FHIP2A: variants seen among roughly 807,000 people sequenced by gnomAD.
The protein encoded by FHIP2A is FHF complex subunit HOOK interacting protein 2A.
FHIP2A carries 46 observed loss-of-function variants against 93.5 expected under a neutral mutation model. That is an observed-to-expected ratio of 0.49 (90% confidence interval 0.39 to 0.63). The LOEUF (loss-of-function observed/expected upper bound fraction) is 0.63. FHIP2A is among the 20% of genes least tolerant of loss of function. FHIP2A has a pLI of 0.00. For missense variants in FHIP2A, 769 were observed against 909.7 expected (o/e 0.85, Z 1.99); for synonymous variants, 332 against 326.5 (o/e 1.02, Z -0.18).
At position 114,833,200 on chromosome 10, in the gene FHIP2A, TTAAA is replaced by T. The variant is rs1440349462; in HGVS notation, c.125-30_125-27del. The T allele has an allele frequency of 1.9e-6, 3 of 1,553,476 alleles. No homozygotes were observed. The South Asian group carries it at 3.5e-5, about 18-fold the overall frequency. On this transcript the variant is annotated intron_variant, in intron 2 of 16. Coordinates refer to ENST00000369248, the MANE Select transcript of FHIP2A (RefSeq NM_020940.4). ...GTGCAAATATGCAGTTTAAAAATGTTTAAATATTTGATGAATGTTTTTTATTGTT... is the reference window on the plus strand; with the variant it reads ...GTGCAAATATGCAGTTTAAAAATGTTTATTTGATGAATGTTTTTTATTGTT...
intron 12 of FHIP2A, among the ~76,000 whole-genome samples, chr10:114,848,094 G>A (rs905706482): frequency 1.4e-4 from 22 of 152,032 alleles, no homozygotes; most frequent in Non-Finnish European, 2.5e-4. Flanking sequence ...TTGTTAGTTC[G>A]TGGTTTTATG....
At position 114,863,178 on chromosome 10, in the gene FHIP2A, G is replaced by C; in HGVS notation, c.*1638G>C. 1 of 977,030 alleles carries C rather than the reference G, an allele frequency of 1.0e-6. No homozygotes were observed. Among genetic ancestry groups the C allele is most frequent in the Non-Finnish European group, 1.2e-6 (1 of 822,362 alleles). 60.5% of individuals were successfully genotyped at this position (977,030 alleles called of 1,614,324 possible). A position where few individuals can be genotyped will look rare whatever the true frequency, so the allele number is the denominator to read the frequency against. On this transcript the variant is annotated 3_prime_UTR_variant, in exon 17 of 17. Transcript: ENST00000369248. The stretch of plus-strand genomic sequence containing the variant: ...TAAGTAAAACAAAGAAAAAACAGAA[G>C]TGGGAGATAGTTATTTTGTGCGTAA...
At chr10:114,827,759 T>C in intron 1 of FHIP2A, among the ~76,000 whole-genome samples, 1 of 137,988 alleles carries the variant, frequency 7.2e-6, no homozygotes, top group Non-Finnish European at 1.5e-5. Flanking sequence ...ATCACGCCAC[T>C]GCACTCCAGC....
At chr10:114,881,113 AGG>A (rs2083914898) in intron 16 of FHIP2A, among the ~76,000 whole-genome samples, 1 of 152,184 alleles carries the variant, frequency 6.6e-6, no homozygotes, top group South Asian at 2.1e-4. Context: ...TGAACTAACG[AGG>A]GGGCTGTAAA....
intron 16 of FHIP2A, among the ~76,000 whole-genome samples, chr10:114,897,107 C>T (rs531772092): frequency 9.2e-5 from 14 of 152,364 alleles, no homozygotes; most frequent in Middle Eastern, 6.8e-3. Context: ...CCCTGGCATG[C>T]TTATACTGGT....
rs1199639392 is a variant in FHIP2A, at chr10:114,888,869, C to T, written c.2193-10621C>T. On this transcript the variant is annotated intron_variant, in intron 16 of 16. Coordinates refer to the FHIP2A transcript ENST00000369250. Reference sequence around the variant, plus strand: ...CTGCCCACCTCGGCTTCTCAAAGTGCTGGGATTAAAGGTGTGAGCCACCGC... The same window carrying T: ...CTGCCCACCTCGGCTTCTCAAAGTGTTGGGATTAAAGGTGTGAGCCACCGC... Among the ~76,000 whole-genome samples the T allele has an allele frequency of 2.0e-5, 3 of 152,260 alleles. No homozygotes were observed. The East Asian group carries it at 5.8e-4, about 29-fold the overall frequency.
downstream of FHIP2A, chr10:114,864,790 T>A: frequency 1.3e-6 from 1 of 744,520 alleles, no homozygotes; most frequent in Non-Finnish European, 1.6e-6. Flanking sequence ...TTTTTAACTT[T>A]TTGCACCCCC....
In FHIP2A at chr10:114,845,489, A is replaced by G; in HGVS notation, c.1128+8A>G. The G allele has an allele frequency of 6.5e-7, 1 of 1,530,574 alleles. No individual in the cohort carries two copies. Among genetic ancestry groups the G allele is most frequent in the Non-Finnish European group, 9.0e-7 (1 of 1,111,816 alleles). 94.8% of individuals were successfully genotyped at this position (1,530,574 alleles called of 1,614,324 possible). A position where few individuals can be genotyped will look rare whatever the true frequency, so the allele number is the denominator to read the frequency against. ...ATTAAGGAAGCCCAAAAGGTTTGTA[A>G]TTTTTTATTGTTTTTTGATCATTTT... is the stretch of plus-strand genomic sequence containing the variant. On this transcript the variant is annotated splice_region_variant and intron_variant, in intron 8 of 16. Coordinates refer to ENST00000369248, the MANE Select transcript of FHIP2A (RefSeq NM_020940.4).
chr10:114,890,674 G>GACATATACGGTATATAAAATATATACCA (rs2083967542), intron 16 of FHIP2A, among the ~76,000 whole-genome samples: 3 of 145,442 alleles, frequency 2.1e-5, no homozygotes, highest in Non-Finnish European at 3.0e-5. Context: ...AATATATACC[G>GACATATACGGTATATAAAATATATACCA]TATATGACAT....
In FHIP2A at chr10:114,833,401, A is replaced by G. The variant is rs749810980; in HGVS notation, c.293A>G (p.Asp98Gly). The G allele has an allele frequency of 5.6e-6, 9 of 1,613,526 alleles. No homozygotes were observed. Among genetic ancestry groups the G allele is most frequent in the Non-Finnish European group, 7.6e-6 (9 of 1,179,784 alleles). Reference sequence around the variant, plus strand: ...ACATTATATACCTTGGGGAAAGCTGATGTAAGTTCCTGATCCACACCATGT... The same window carrying G: ...ACATTATATACCTTGGGGAAAGCTGGTGTAAGTTCCTGATCCACACCATGT... ...LETLYTLGKA[D>G]CPPGMKQQVL... The change falls in exon 3 of 17, where the codon GAT (aspartate) becomes GGT (glycine). Residue 98 changes from aspartate (D) to glycine (G), a missense_variant and splice_region_variant. Physicochemically the swap from Asp to Gly is moderately conservative, Grantham distance 94. Coordinates refer to ENST00000369248, the MANE Select transcript of FHIP2A (RefSeq NM_020940.4).
In FHIP2A at chr10:114,845,998, C is replaced by A. The variant is rs758481191; in HGVS notation, c.1129-15C>A. 1.3e-6 allele frequency: 2 copies of A among 1,581,372 alleles called. No homozygotes were observed. The highest frequency in any genetic ancestry group is 4.5e-5 in the East Asian group (2 of 44,688). Reference sequence around the variant, plus strand: ...TTATATTAAAAAAAAAAATGATGTTCCTACTATATTCTAGACTGCTGCTGT... The same window carrying A: ...TTATATTAAAAAAAAAAATGATGTTACTACTATATTCTAGACTGCTGCTGT... On this transcript the variant is annotated splice_polypyrimidine_tract_variant and intron_variant, in intron 8 of 16. Coordinates refer to ENST00000369248, the MANE Select transcript of FHIP2A (RefSeq NM_020940.4).
At position 114,862,509 on chromosome 10, in the gene FHIP2A, T is replaced by G; in HGVS notation, c.*969T>G. 1 of 987,592 alleles carries G rather than the reference T, an allele frequency of 1.0e-6. No homozygotes were observed. Among genetic ancestry groups the G allele is most frequent in the Non-Finnish European group, 1.2e-6 (1 of 830,082 alleles). 61.2% of individuals were successfully genotyped at this position (987,592 alleles called of 1,614,324 possible). On this transcript the variant is annotated 3_prime_UTR_variant, in exon 17 of 17. Coordinates refer to ENST00000369248, the MANE Select transcript of FHIP2A (RefSeq NM_020940.4). The stretch of plus-strand genomic sequence containing the variant: ...GTGGCTCCTCGATGTTTACATTTTT[T>G]TCTATTTTGTTCAGTCTTTTGTTTT...
At chr10:114,825,565 A>G (rs548072039) in intron 1 of FHIP2A, among the ~76,000 whole-genome samples, 1 of 152,354 alleles carries the variant, frequency 6.6e-6, no homozygotes, top group South Asian at 2.1e-4. Flanking sequence ...AAGAACTGTA[A>G]TGTAACTCCT....
chr10:114,827,415 G>A (rs72833133), intron 1 of FHIP2A, among the ~76,000 whole-genome samples: 2,555 of 152,306 alleles, frequency 0.017, 26 homozygotes, highest in Non-Finnish European at 0.027. Flanking sequence ...AGCCCTCATA[G>A]AGCTGACAAT....
chr10:114,860,676 A>T, intron 14 of FHIP2A, 73 bp from the exon 15 acceptor site: 1 of 1,259,448 alleles, frequency 7.9e-7, no homozygotes, highest in Non-Finnish European at 1.2e-6. Context: ...TAAAAGAACA[A>T]ATTGAAATAG....
downstream of FHIP2A, among the ~76,000 whole-genome samples, chr10:114,865,188 A>G (rs907263384): frequency 6.6e-6 from 1 of 151,998 alleles, no homozygotes; most frequent in Admixed American, 6.6e-5. Flanking sequence ...GGGTTTTACC[A>G]TGTTGATCAG....
At chr10:114,870,478 AAAGGCAGGCTCT>A in intron 16 of FHIP2A, among the ~76,000 whole-genome samples, 1 of 152,280 alleles carries the variant, frequency 6.6e-6, no homozygotes, top group Admixed American at 6.5e-5. Context: ...CCACTTACAC[AAAGGCAGGCTCT>A]ACTCTCTTGA....
At chr10:114,833,210 G>C (rs369808410) in intron 2 of FHIP2A, 23 bp from the exon 3 acceptor site, 65 of 1,574,540 alleles carry the variant, frequency 4.1e-5, no homozygotes, top group Non-Finnish European at 3.8e-5. Flanking sequence ...TTAAATATTT[G>C]ATGAATGTTT....
In FHIP2A at chr10:114,830,938, A is replaced by G. The variant is rs1202029641; in HGVS notation, c.124+8A>G. ...ACTACATAGAGACTTCAGGTAAGGA[A>G]CAATGCTGATATTAACTGAAAATTT... On this transcript the variant is annotated splice_region_variant and intron_variant, in intron 2 of 16. Coordinates refer to ENST00000369248, the MANE Select transcript of FHIP2A (RefSeq NM_020940.4). 5.9e-6 allele frequency: 9 copies of G among 1,516,628 alleles called. No individual in the cohort carries two copies. The highest frequency in any genetic ancestry group is 1.4e-5 in the African/African-American group (1 of 71,460). The allele number at this position is 1,516,628 out of a possible 1,614,324, so 93.9% of individuals were successfully genotyped here. A position where few individuals can be genotyped will look rare whatever the true frequency, so the allele number is the denominator to read the frequency against.
Sources: allele counts gnomAD v4.1 joint callset (sites outside exome capture counted in the v4.1 genomes callset), GRCh38; gene constraint gnomAD v4.1.1; transcripts MANE v1.5; gene names NCBI Gene and HGNC (gene_info 2026-07-23, HGNC 2026-07-21).